Variants in FCHSD2 observed in about 807,000 individuals in gnomAD.
FCHSD2 encodes the protein FCH and double SH3 domains 2.
Under a neutral mutation model 108.1 loss-of-function variants are expected in FCHSD2, and 38 were observed. The ratio of observed to expected loss-of-function variants is 0.35; its 90% CI spans 0.27 to 0.46. The LOEUF (loss-of-function observed/expected upper bound fraction) is 0.46. Ranked by LOEUF, FCHSD2 falls within the 20% of genes least tolerant of loss-of-function variation. FCHSD2 has a pLI of 1.00. For synonymous variants in FCHSD2, 279 were observed against 314.7 expected (o/e 0.89, Z 1.20); for missense variants, 751 against 897.8 (o/e 0.84, Z 2.09).
chr11:72,913,217 G>T (rs1308009519), intron 9 of FCHSD2, among the ~76,000 whole-genome samples: 1 of 152,064 alleles, frequency 6.6e-6, no homozygotes, highest in Non-Finnish European at 1.5e-5. Context: ...GATTTGGGTG[G>T]GGACACAAAT....
At chr11:73,092,632 T>C (rs1391474559) in intron 2 of FCHSD2, among the ~76,000 whole-genome samples, 1 of 152,160 alleles carries the variant, frequency 6.6e-6, no homozygotes, top group East Asian at 1.9e-4. Flanking sequence ...AACTACATAA[T>C]CAGTTTTCAG....
chr11:72,897,608 T>C (rs543999183), intron 10 of FCHSD2, among the ~76,000 whole-genome samples: 1 of 152,330 alleles, frequency 6.6e-6, no homozygotes, highest in East Asian at 1.9e-4. Flanking sequence ...GTTGTCATTT[T>C]ACACATGAGG....
chr11:72,980,209 A>AG (rs1168747489), intron 8 of FCHSD2, among the ~76,000 whole-genome samples: 2 of 152,258 alleles, frequency 1.3e-5, no homozygotes, highest in East Asian at 1.9e-4. Context: ...AGGTTTGAAG[A>AG]GGGGGGAAAA....
intron 14 of FCHSD2, 121 bp from the exon 15 acceptor site, chr11:72,843,653 T>TA: frequency 1.5e-6 from 1 of 681,622 alleles, no homozygotes; most frequent in Non-Finnish European, 2.6e-6. Flanking sequence ...ATGTTGAACA[T>TA]AAAAATTTAA....
chr11:72,924,679 CTT>C (rs200855476), intron 8 of FCHSD2, among the ~76,000 whole-genome samples: 34 of 138,380 alleles, frequency 2.5e-4, no homozygotes, highest in African/African-American at 3.7e-4. Flanking sequence ...TTCCATTAAA[CTT>C]TTTTTTTTTT....
intron 13 of FCHSD2, among the ~76,000 whole-genome samples, chr11:72,863,069 T>C (rs572936057): frequency 4.3e-4 from 66 of 152,242 alleles, no homozygotes; most frequent in South Asian, 6.2e-4. Flanking sequence ...ACCGCAGGAA[T>C]GTACCACAAT....
intron 3 of FCHSD2, among the ~76,000 whole-genome samples, chr11:73,030,984 TAC>T (rs1591496040): frequency 6.6e-6 from 1 of 151,842 alleles, no homozygotes; most frequent in African/African-American, 2.4e-5. Context: ...CACATACACA[TAC>T]ACACACACAT....
chr11:72,881,459 T>G (rs993597684), intron 12 of FCHSD2, among the ~76,000 whole-genome samples: 1 of 152,222 alleles, frequency 6.6e-6, no homozygotes, highest in Non-Finnish European at 1.5e-5. Flanking sequence ...TTAGTACAGC[T>G]ATTATGGAAA....
At chr11:73,044,141 CTA>C (rs1230202430) in intron 3 of FCHSD2, among the ~76,000 whole-genome samples, 3 of 152,166 alleles carry the variant, frequency 2.0e-5, no homozygotes, top group African/African-American at 7.2e-5. Context: ...AGGCCTGCTA[CTA>C]TATGTCACCT....
chr11:72,838,604 C>G lies in FCHSD2; in HGVS notation c.*187G>C, dbSNP rs985738900. 8.3e-6 allele frequency: 4 copies of G among 482,730 alleles called. No individual in the cohort carries two copies. Among genetic ancestry groups the G allele is most frequent in the African/African-American group, 6.2e-5 (3 of 48,712 alleles). 29.9% of individuals were successfully genotyped at this position (482,730 alleles called of 1,614,324 possible). ...GGAGAAATGACATAGAAAATGACAACAAAAAAAAAAGGCACGAAATATTCA... is the reference window on the plus strand; with the variant it reads ...GGAGAAATGACATAGAAAATGACAAGAAAAAAAAAAGGCACGAAATATTCA... On this transcript the variant is annotated 3_prime_UTR_variant, in exon 20 of 20. Transcript: ENST00000409418.
At position 72,999,815 on chromosome 11, in the gene FCHSD2, T is replaced by C. The variant is rs545703127; in HGVS notation, c.387+1175A>G. On this transcript the variant is annotated intron_variant, in intron 5 of 19. Coordinates refer to ENST00000409418, the MANE Select transcript of FCHSD2 (RefSeq NM_014824.3). ...GTATTTCCTCCTGGTTGGGAAGTTA[T>C]ACTAGTATTAATTCTCTGCCCCTAC... Among the ~76,000 whole-genome samples, 63 of 152,178 alleles carry C rather than the reference T, an allele frequency of 4.1e-4. No homozygotes were observed. In the Middle Eastern group the frequency reaches 0.027, roughly 66 times the overall value.
At chr11:73,059,274 C>T (rs1355733076) in intron 3 of FCHSD2, among the ~76,000 whole-genome samples, 2 of 151,584 alleles carry the variant, frequency 1.3e-5, no homozygotes, top group Non-Finnish European at 2.9e-5. Context: ...ATTTACCCTC[C>T]GTGGGTTTTT....
At chr11:72,931,757 C>T (rs1021578591) in intron 8 of FCHSD2, among the ~76,000 whole-genome samples, 2 of 151,984 alleles carry the variant, frequency 1.3e-5, no homozygotes, top group South Asian at 4.1e-4. Flanking sequence ...AGAGCAAGAC[C>T]CTGTCTCAAA....
At chr11:72,954,155 T>A (rs76581108) in intron 8 of FCHSD2, among the ~76,000 whole-genome samples, 3,647 of 150,556 alleles carry the variant, frequency 0.024, 144 homozygotes, top group African/African-American at 0.085. Flanking sequence ...AAGATAATAA[T>A]GGTGGCTTAG....
chr11:72,838,444 A>C lies in FCHSD2; in HGVS notation c.*347T>G. ...TCACAGTAATATACTGTACGAGTGC[A>C]CATGATCAGTAATTTAGGGACTGTG... On this transcript the variant is annotated 3_prime_UTR_variant, in exon 20 of 20. Coordinates refer to ENST00000409418, the MANE Select transcript of FCHSD2 (RefSeq NM_014824.3). The C allele has an allele frequency of 6.1e-6, 2 of 326,938 alleles. No homozygotes were observed. Among genetic ancestry groups the C allele is most frequent in the Non-Finnish European group, 1.2e-5 (2 of 169,770 alleles). The allele number at this position is 326,938 out of a possible 1,614,324, so 20.3% of individuals were successfully genotyped here. A position where few individuals can be genotyped will look rare whatever the true frequency, so the allele number is the denominator to read the frequency against.
chr11:72,937,161 G>C lies in FCHSD2; in HGVS notation c.706-15211C>G, dbSNP rs1241468611. 3.3e-5 allele frequency among the ~76,000 whole-genome samples: 5 copies of C among 152,120 alleles called. No individual in the cohort carries two copies. In the East Asian group the frequency reaches 7.7e-4, roughly 23 times the overall value. ...AGGAAGACAGAGCTAGAGGACCAAA[G>C]GCTTGATGAAGGAACTCTTAAGGCT... On this transcript the variant is annotated intron_variant, in intron 8 of 19. Transcript: ENST00000409418.
intron 13 of FCHSD2, among the ~76,000 whole-genome samples, chr11:72,866,962 A>C (rs889142529): frequency 1.3e-5 from 2 of 152,222 alleles, no homozygotes; most frequent in Non-Finnish European, 2.9e-5. Context: ...CCATCCAACC[A>C]TTCACTCCTT....
chr11:72,841,360 AAAAAG>A, intron 18 of FCHSD2, 89 bp downstream of exon 18: 1 of 1,174,956 alleles, frequency 8.5e-7, no homozygotes, highest in South Asian at 1.4e-5. Flanking sequence ...AAAAAAAAAA[AAAAAG>A]CAAATGCAGT....
chr11:72,946,896 A>G (rs1282551094), intron 8 of FCHSD2, among the ~76,000 whole-genome samples: 1 of 152,246 alleles, frequency 6.6e-6, no homozygotes. Flanking sequence ...ACAAGGATGT[A>G]GGACAAAAAT....
Sources: gnomAD v4.1 joint callset for allele counts (sites outside exome capture counted in the v4.1 genomes callset) on GRCh38, gnomAD v4.1.1 for gene constraint, MANE v1.5 for transcripts, NCBI Gene and HGNC (gene_info 2026-07-23, HGNC 2026-07-21) for gene names.